CMYA5: variants seen among roughly 807,000 people sequenced by gnomAD.
CMYA5 encodes the protein cardiomyopathy-associated protein 5.
A neutral mutation model predicts 318.9 loss-of-function variants in CMYA5; 246 were observed. The ratio of observed to expected loss-of-function variants is 0.77; its 90% CI spans 0.70 to 0.86. The LOEUF is 0.86. CMYA5 is among the 40% of genes least tolerant of loss of function. The probability of loss-of-function intolerance (pLI) is 0.00; values close to 1 mark genes in which losing one functional copy is unlikely to be tolerated. For synonymous variants in CMYA5, 1,641 were observed against 1,729.5 expected, an observed-to-expected ratio of 0.95 and a Z score of 1.27; for missense variants, 4,589 against 4,678.2, an observed-to-expected ratio of 0.98 and a Z score of 0.56.
intron 1 of CMYA5, among the ~76,000 whole-genome samples, chr5:79,698,323 A>C (rs12513450): frequency 0.16 from 24,818 of 152,066 alleles, 2,456 homozygotes; most frequent in East Asian, 0.37. Context: ...AAAACAAAAA[A>C]AAAAACACCT....
intron 11 of CMYA5, among the ~76,000 whole-genome samples, chr5:79,792,128 C>T (rs1342416146): frequency 2.0e-5 from 3 of 152,168 alleles, no homozygotes. Context: ...CTAGTTCTGG[C>T]CAAGGCTTCT....
chr5:79,749,640 A>T (rs1018203565), intron 5 of CMYA5, among the ~76,000 whole-genome samples: 6 of 152,220 alleles, frequency 3.9e-5, no homozygotes, highest in Non-Finnish European at 5.9e-5. Context: ...TTTATCATTT[A>T]CTATCATAAA....
intron 1 of CMYA5, among the ~76,000 whole-genome samples, chr5:79,708,420 G>C (rs1827316028): frequency 6.6e-6 from 1 of 152,128 alleles, no homozygotes; most frequent in Admixed American, 6.5e-5. Flanking sequence ...AGGAGATTGA[G>C]ATCATCCTGG....
chr5:79,715,121 T>C (rs1827488684), intron 1 of CMYA5, among the ~76,000 whole-genome samples: 1 of 152,130 alleles, frequency 6.6e-6, no homozygotes, highest in African/African-American at 2.4e-5. Flanking sequence ...GAGGTTTTGT[T>C]TGCTGCTGTA....
chr5:79,731,621 G>C lies in CMYA5; in HGVS notation c.2856G>C (p.Val952=). The change falls in exon 2 of 13, where the codon GTG becomes GTC. Residue 952 remains valine (V), a synonymous_variant. Coordinates refer to ENST00000446378, the MANE Select transcript of CMYA5 (RefSeq NM_153610.5). ...IGPFSPDSAF[V]SEFSFPPYAT... ...CTTTTTCTCCAGATTCTGCATTTGT[G>C]TCAGAATTCTCATTTCCACCGTATG... is the stretch of plus-strand genomic sequence containing the variant. The C allele has an allele frequency of 6.2e-7, 1 of 1,613,802 alleles. No homozygotes were observed. The highest frequency in any genetic ancestry group is 1.1e-5 in the South Asian group (1 of 91,038).
chr5:79,799,867 A>G lies in CMYA5; in HGVS notation c.*251A>G. On this transcript the variant is annotated 3_prime_UTR_variant, in exon 13 of 13. Coordinates refer to ENST00000446378, the MANE Select transcript of CMYA5 (RefSeq NM_153610.5). Reference sequence around the variant, plus strand: ...TTATATAAGTTTGAGTTCTTTCCTAAATTAAAAGATCTACACTTGAGTTGG... The same window carrying G: ...TTATATAAGTTTGAGTTCTTTCCTAGATTAAAAGATCTACACTTGAGTTGG... 1 of 266,454 alleles carries G rather than the reference A, an allele frequency of 3.8e-6. No individual in the cohort carries two copies. The highest frequency in any genetic ancestry group is 7.0e-6 in the Non-Finnish European group (1 of 142,520). 16.5% of individuals were successfully genotyped at this position (266,454 alleles called of 1,614,324 possible).
chr5:79,771,364 T>A (rs542377791), intron 9 of CMYA5, among the ~76,000 whole-genome samples: 5 of 152,124 alleles, frequency 3.3e-5, no homozygotes, highest in African/African-American at 1.2e-4. Flanking sequence ...AGTGCCAGAG[T>A]CCCAGAGTAA....
rs1828034040 is a variant in CMYA5 at position 79,735,396 on chromosome 5, GA to G, written c.6636del (p.Ala2213GlnfsTer2). 1 of 1,613,830 alleles carries G rather than the reference GA, an allele frequency of 6.2e-7. No homozygotes were observed. Among genetic ancestry groups the G allele is most frequent in the East Asian group, 2.2e-5 (1 of 44,874 alleles). On this transcript the variant is annotated frameshift_variant, in exon 2 of 13. Coordinates refer to ENST00000446378, the MANE Select transcript of CMYA5 (RefSeq NM_153610.5). LOFTEE classifies it high-confidence loss of function. ...AGAAACACAGCCAAGTCCATCCGTA[GA>G]AAAAGCAGTGACTGTGATAGATCCT... ...DLETQPSPSV[E>X]KAVTVIDPEG...
chr5:79,728,066 G>A (rs34134353), intron 1 of CMYA5, among the ~76,000 whole-genome samples: 12,646 of 152,194 alleles, frequency 0.083, 874 homozygotes, highest in East Asian at 0.4. Context: ...TTCTCAACAA[G>A]CTCACGAGAT....
At chr5:79,704,935 A>G (rs556809178) in intron 1 of CMYA5, among the ~76,000 whole-genome samples, 1 of 152,310 alleles carries the variant, frequency 6.6e-6, no homozygotes, top group African/African-American at 2.4e-5. Context: ...CCTTACCACC[A>G]CAAGTGCCTT....
chr5:79,791,052 G>C lies in CMYA5; in HGVS notation c.11772G>C (p.Glu3924Asp). ...SSSGTVISFG[E>D]RRRLTEIPSV... ...GTGGGACAGTGATCAGCTTTGGTGA[G>C]AGGAGACGGCTGACGGAGTAAGTAG... Residue 3924 changes from glutamate (E) to aspartate (D), a missense_variant, in exon 11 of 13, where the codon GAG becomes GAC. Around this residue, in one of 3 missense-constraint regions of CMYA5, gnomAD observed 2,431 missense variants for 2,495.1 expected, o/e 0.97. Transcript: ENST00000446378. 3.7e-6 allele frequency: 6 copies of C among 1,613,328 alleles called. No homozygotes were observed. Among genetic ancestry groups the C allele is most frequent in the Middle Eastern group, 1.7e-4 (1 of 6,054 alleles).
In CMYA5 at chr5:79,776,123, C is replaced by G. The variant is rs76955302; in HGVS notation, c.11556-12848C>G. Among the ~76,000 whole-genome samples, 9 of 152,218 alleles carry G rather than the reference C, an allele frequency of 5.9e-5. No homozygotes were observed. The East Asian group carries it at 1.5e-3, about 26-fold the overall frequency. Reference sequence around the variant, plus strand: ...AACTAAGAGTGATGTTAGTTCACACCTGTAATCTCAGCACTTGGGGAGTCT... The same window carrying G: ...AACTAAGAGTGATGTTAGTTCACACGTGTAATCTCAGCACTTGGGGAGTCT... On this transcript the variant is annotated intron_variant, in intron 9 of 12. Coordinates refer to ENST00000446378, the MANE Select transcript of CMYA5 (RefSeq NM_153610.5).
Position 79,729,434 on chromosome 5 carries a change from A to C in CMYA5, c.669A>C (p.Gly223=). 6.2e-7 allele frequency: 1 copy of C among 1,613,600 alleles called. No individual in the cohort carries two copies. The highest frequency in any genetic ancestry group is 8.5e-7 in the Non-Finnish European group (1 of 1,179,618). The change falls in exon 2 of 13, where the codon GGA becomes GGC. Residue 223 remains glycine (G), a synonymous_variant. Transcript: ENST00000446378. The stretch of plus-strand genomic sequence containing the variant: ...TAGTGTTAAGACCAGTCTACATAGG[A>C]ACAGTACAATATAAAATTAAGATGT... ...KPLVLRPVYI[G]TVQYKIKMFN... is the part of the protein sequence containing the mutation.
chr5:79,747,560 T>G (rs1439606373), intron 5 of CMYA5, among the ~76,000 whole-genome samples: 1 of 152,258 alleles, frequency 6.6e-6, no homozygotes, highest in African/African-American at 2.4e-5. Flanking sequence ...CTTCTCTTTC[T>G]GCTCAGCTAA....
Position 79,729,514 on chromosome 5 carries a change from A to G in CMYA5, c.749A>G (p.Lys250Arg). 6.2e-7 allele frequency: 1 copy of G among 1,610,540 alleles called. No homozygotes were observed. Among genetic ancestry groups the G allele is most frequent in the Non-Finnish European group, 8.5e-7 (1 of 1,178,046 alleles). ...IPLQFYGTLP[K>R]GYVIKEIHYR... Reference sequence around the variant, plus strand: ...CTACAATTTTATGGAACATTGCCAAAGGGTTATGTAATTAAAGAAATACAT... The same window carrying G: ...CTACAATTTTATGGAACATTGCCAAGGGGTTATGTAATTAAAGAAATACAT... The change falls in exon 2 of 13, where the codon AAG becomes AGG. Residue 250 changes from lysine to arginine, a missense_variant. Transcript: ENST00000446378.
intron 9 of CMYA5, among the ~76,000 whole-genome samples, chr5:79,771,411 C>T (rs1012700452): frequency 6.6e-6 from 1 of 152,146 alleles, no homozygotes; most frequent in Admixed American, 6.5e-5. Flanking sequence ...TAAGGAAAAC[C>T]CAGCTCTTTC....
intron 5 of CMYA5, among the ~76,000 whole-genome samples, chr5:79,750,747 T>A (rs1412183969): frequency 6.6e-6 from 1 of 152,228 alleles, no homozygotes; most frequent in Non-Finnish European, 1.5e-5. Context: ...TTTGCTCTTT[T>A]GTGTTATAAT....
chr5:79,752,231 A>T (rs1561219329), intron 5 of CMYA5, among the ~76,000 whole-genome samples: 1 of 152,242 alleles, frequency 6.6e-6, no homozygotes, highest in Non-Finnish European at 1.5e-5. Flanking sequence ...GAAGCTTAAT[A>T]TCGAGGTTTG....
intron 5 of CMYA5, among the ~76,000 whole-genome samples, chr5:79,750,434 A>G (rs749677364): frequency 1.3e-5 from 2 of 152,220 alleles, no homozygotes; most frequent in African/African-American, 2.4e-5. Flanking sequence ...GACTATTAGT[A>G]GCTAAGTTTT....
Sources: allele counts gnomAD v4.1 joint callset (sites outside exome capture counted in the v4.1 genomes callset), GRCh38; gene constraint gnomAD v4.1.1; regional missense constraint gnomAD v4.1.1; transcripts MANE v1.5; gene names NCBI Gene and HGNC (gene_info 2026-07-23, HGNC 2026-07-21).